ATG2B: variants seen among roughly 807,000 people sequenced by gnomAD.
ATG2B encodes the protein autophagy related 2B, also known as autophagy-related protein 2 homolog B.
A neutral mutation model predicts 241.3 loss-of-function variants in ATG2B; 121 were observed. The ratio of observed to expected loss-of-function variants is 0.50; its 90% CI spans 0.43 to 0.58. ATG2B has a LOEUF of 0.58. Among genes scored for constraint, ATG2B ranks in the 20% least tolerant of loss-of-function variants. The pLI, the probability that ATG2B is intolerant of heterozygous loss-of-function variation, is 0.00. For missense variants in ATG2B, 2,306 were observed against 2,491.6 expected (o/e 0.93, Z 1.59); for synonymous variants, 858 against 876.6 (o/e 0.98, Z 0.37).
At chr14:96,309,349 C>A in intron 29 of ATG2B, 104 bp downstream of exon 29, 2 of 1,387,468 alleles carry the variant, frequency 1.4e-6, no homozygotes, top group East Asian at 2.3e-5. Context: ...TCCATAAAAA[C>A]TCATATGCGT....
At chr14:96,322,286 G>A in intron 17 of ATG2B, 32 bp from the exon 18 acceptor site, 3 of 1,565,258 alleles carry the variant, frequency 1.9e-6, no homozygotes, top group Admixed American at 2.2e-5. Flanking sequence ...CAAAAAAAAA[G>A]GCATCCATGT....
Position 96,289,983 on chromosome 14 carries a change from C to T in ATG2B, c.5857-178G>A, listed in dbSNP as rs144845407. 4 of 465,398 alleles carry T rather than the reference C, an allele frequency of 8.6e-6. No individual in the cohort carries two copies. The highest frequency in any genetic ancestry group is 8.5e-5 in the African/African-American group (4 of 47,268). 28.8% of individuals were successfully genotyped at this position (465,398 alleles called of 1,614,324 possible). A position where few individuals can be genotyped will look rare whatever the true frequency, so the allele number is the denominator to read the frequency against. On this transcript the variant is annotated intron_variant, in intron 40 of 41. Transcript: ENST00000359933. This position sits in a 1 kb window ranked among gnomAD's most constrained non-coding sequence, Gnocchi z 4.3. ...GAATTGATGACTTTTATAACGAGAACATAAAAGTATAAATTAATAACTAAC... is the reference window on the plus strand; with the variant it reads ...GAATTGATGACTTTTATAACGAGAATATAAAAGTATAAATTAATAACTAAC...
At chr14:96,339,894 C>G (rs1339330616) in intron 6 of ATG2B, among the ~76,000 whole-genome samples, 1 of 151,234 alleles carries the variant, frequency 6.6e-6, no homozygotes, top group African/African-American at 2.4e-5. Flanking sequence ...AAAAAGAAAA[C>G]AAAGGGACAA....
At chr14:96,300,741 T>TA (rs1834703342) in intron 34 of ATG2B, among the ~76,000 whole-genome samples, 2 of 152,156 alleles carry the variant, frequency 1.3e-5, no homozygotes, top group African/African-American at 4.8e-5. Context: ...AACATAAACT[T>TA]AAAGTACTGA....
rs1888693665 is a variant in ATG2B, at chr14:96,362,675, C to G, written c.162+140G>C. 6.0e-6 allele frequency: 5 copies of G among 828,294 alleles called. No homozygotes were observed. The East Asian group carries it at 1.3e-4, about 21-fold the overall frequency. The allele number at this position is 828,294 out of a possible 1,614,324, so 51.3% of individuals were successfully genotyped here. On this transcript the variant is annotated intron_variant, in intron 1 of 41. Transcript: ENST00000359933. ...AAACAGATTAAACAACACTCTAACACATTTCTCTGAGCCGTGTCACACTCG... is the reference window on the plus strand; with the variant it reads ...AAACAGATTAAACAACACTCTAACAGATTTCTCTGAGCCGTGTCACACTCG...
intron 2 of ATG2B, 44 bp from the exon 3 acceptor site, chr14:96,345,429 A>G: frequency 1.4e-6 from 2 of 1,418,036 alleles, no homozygotes; most frequent in Non-Finnish European, 1.9e-6. Flanking sequence ...CTTAAGAGTT[A>G]CAACAATGCC....
intron 18 of ATG2B, among the ~76,000 whole-genome samples, chr14:96,320,621 GTAAA>G (rs1338785256): frequency 6.6e-6 from 1 of 152,162 alleles, no homozygotes; most frequent in Non-Finnish European, 1.5e-5. Flanking sequence ...AAATGAAGTG[GTAAA>G]TAAATATACA....
chr14:96,331,432 T>C lies in ATG2B; in HGVS notation c.1674A>G (p.Glu558=). The C allele has an allele frequency of 1.2e-6, 2 of 1,613,964 alleles. No homozygotes were observed. The highest frequency in any genetic ancestry group is 2.2e-5 in the East Asian group (1 of 44,870). ...ACACTGCTCGGAAAGACTTAAAATC[T>C]TCTGTTGAAAATCTTGCTGGATCAA... The part of the protein sequence containing the change: ...EKIDPARFST[E]DFKSFRAVFA... Residue 558 remains glutamate (E), a synonymous_variant, in exon 11 of 42, where the codon GAA becomes GAG. Coordinates refer to ENST00000359933, the MANE Select transcript of ATG2B (RefSeq NM_018036.7).
At chr14:96,346,610 G>A (rs1888176172) in intron 2 of ATG2B, among the ~76,000 whole-genome samples, 1 of 152,112 alleles carries the variant, frequency 6.6e-6, no homozygotes, top group Non-Finnish European at 1.5e-5. Context: ...CACCTAGATT[G>A]TCAATTCTAT....
At chr14:96,329,813 A>T (rs1054418592) in intron 11 of ATG2B, among the ~76,000 whole-genome samples, 179 bp from the exon 12 acceptor site, 3 of 152,344 alleles carry the variant, frequency 2.0e-5, no homozygotes, top group Non-Finnish European at 4.4e-5. Context: ...GAAATTTTCC[A>T]GGATCTGTTT....
intron 26 of ATG2B, 24 bp from the exon 27 acceptor site, chr14:96,311,642 A>T: frequency 6.6e-7 from 1 of 1,505,580 alleles, no homozygotes; most frequent in Non-Finnish European, 9.2e-7. Flanking sequence ...AATTAAGAAA[A>T]TCTCTTCAGT....
Position 96,363,294 on chromosome 14 carries a change from C to T in ATG2B, c.-318G>A, listed in dbSNP as rs569748218. The T allele has an allele frequency of 2.9e-5, 8 of 275,922 alleles. No homozygotes were observed. The highest frequency in any genetic ancestry group is 1.6e-4 in the African/African-American group (7 of 43,748). The allele number at this position is 275,922 out of a possible 1,614,324, so 17.1% of individuals were successfully genotyped here. On this transcript the variant is annotated 5_prime_UTR_variant, in exon 1 of 42. Coordinates refer to ENST00000359933, the MANE Select transcript of ATG2B (RefSeq NM_018036.7). ...GGGCTGAGGCAGCCACCGCCACTGC[C>T]GCCGCGCGACGAATTTGTTGTCATC...
chr14:96,288,577 T>C (rs1053911241), intron 41 of ATG2B, among the ~76,000 whole-genome samples: 8 of 152,140 alleles, frequency 5.3e-5, no homozygotes, highest in Non-Finnish European at 1.2e-4. Flanking sequence ...ATACATTTCT[T>C]GGGGCCCTAC....
chr14:96,345,036 A>G (rs1281271704), intron 3 of ATG2B, among the ~76,000 whole-genome samples, 197 bp downstream of exon 3: 1 of 152,066 alleles, frequency 6.6e-6, no homozygotes, highest in Non-Finnish European at 1.5e-5. Flanking sequence ...AAATGGAGAA[A>G]CTAAGGTACA....
chr14:96,325,525 T>C (rs776204268), intron 15 of ATG2B, 124 bp downstream of exon 15: 3 of 917,174 alleles, frequency 3.3e-6, no homozygotes, highest in African/African-American at 1.7e-5. Flanking sequence ...TTGCTGTTGA[T>C]TTTAACATAA....
chr14:96,338,656 T>C (rs1887930284), intron 6 of ATG2B, among the ~76,000 whole-genome samples: 1 of 152,080 alleles, frequency 6.6e-6, no homozygotes, highest in African/African-American at 2.4e-5. Flanking sequence ...GGACCAAAGA[T>C]GTAAATATAA....
intron 1 of ATG2B, among the ~76,000 whole-genome samples, chr14:96,352,666 GA>G (rs1888360015): frequency 7.1e-6 from 1 of 141,776 alleles, no homozygotes; most frequent in African/African-American, 3.1e-5. Context: ...AGAATATAAA[GA>G]AAAAGTATTT....
chr14:96,285,858 ACAAT>A lies in ATG2B; in HGVS notation c.6130_6133del (p.Ile2044LeufsTer13), dbSNP rs1337022102. The A allele has an allele frequency of 3.7e-6, 6 of 1,614,050 alleles. No individual in the cohort carries two copies. The highest frequency in any genetic ancestry group is 1.3e-5 in the African/African-American group (1 of 74,926). ...CACGTTTGACGTTGCTTCTGTGGCA[ACAAT>A]CAGAGGTTTCACCACTGCCGGAGGA... On this transcript the variant is annotated frameshift_variant, in exon 42 of 42. Coordinates refer to ENST00000359933, the MANE Select transcript of ATG2B (RefSeq NM_018036.7). LOFTEE classifies it high-confidence loss of function. This position sits in a 1 kb window ranked among gnomAD's most constrained non-coding sequence, Gnocchi z 4.2.
chr14:96,362,487 C>T (rs1387584160), intron 1 of ATG2B, among the ~76,000 whole-genome samples: 2 of 152,166 alleles, frequency 1.3e-5, no homozygotes, highest in East Asian at 3.9e-4. Context: ...AACCCTGCGG[C>T]CCCTCACATC....
Sources: allele counts gnomAD v4.1 joint callset (sites outside exome capture counted in the v4.1 genomes callset), GRCh38; gene constraint gnomAD v4.1.1; non-coding constraint Gnocchi (gnomAD v3.1); transcripts MANE v1.5; gene names NCBI Gene and HGNC (gene_info 2026-07-23, HGNC 2026-07-21).